The following COPG2 variants were observed in gnomAD, a reference collection of about 807,000 sequenced individuals.
COPG2 encodes coat protein complex I subunit gamma 2.
COPG2 carries 37 observed loss-of-function variants against 46.3 expected under a neutral mutation model. That is an observed-to-expected ratio of 0.80 (90% CI 0.61 to 1.05). The LOEUF (loss-of-function observed/expected upper bound fraction) is 1.05, where lower values mean the gene tolerates loss of function less well. Among genes scored for constraint, COPG2 ranks in the 50% least tolerant of loss-of-function variants. The probability of loss-of-function intolerance (pLI) is 0.00; values close to 1 mark genes in which losing one functional copy is unlikely to be tolerated. For synonymous variants in COPG2, 159 were observed against 129.7 expected (o/e 1.23, Z -1.53); for missense variants, 427 against 387.8 (o/e 1.10, Z -0.85).
chr7:130,629,819 T>C (rs1795193355), intron 5 of COPG2, among the ~76,000 whole-genome samples: 1 of 152,204 alleles, frequency 6.6e-6, no homozygotes, highest in Admixed American at 6.5e-5. Context: ...CAGGTACATT[T>C]ATTCTTTCTT....
intron 9 of COPG2, among the ~76,000 whole-genome samples, chr7:130,604,101 A>G (rs782111158): frequency 6.6e-6 from 1 of 152,154 alleles, no homozygotes; most frequent in African/African-American, 2.4e-5. Flanking sequence ...CTGGGGTGGA[A>G]GAGGAGGTCT....
intron 3 of COPG2, among the ~76,000 whole-genome samples, chr7:130,665,951 A>G (rs1187657863): frequency 3.3e-5 from 5 of 152,202 alleles, no homozygotes; most frequent in Admixed American, 2.6e-4. Context: ...CCAACACCTA[A>G]AACAGTGCAC....
At chr7:130,551,371 G>A (rs1300416218) in intron 15 of COPG2, 27 bp from the exon 16 acceptor site, 1 of 398,210 alleles carries the variant, frequency 2.5e-6, no homozygotes, top group Non-Finnish European at 4.4e-6. Flanking sequence ...GAATAGTCAT[G>A]TCACAGTACC....
chr7:130,539,180 T>A (rs1799912104), intron 20 of COPG2, among the ~76,000 whole-genome samples: 1 of 152,034 alleles, frequency 6.6e-6, no homozygotes, highest in South Asian at 2.1e-4. Flanking sequence ...CCAGATAGCT[T>A]CAATGGGTAC....
intron 20 of COPG2, among the ~76,000 whole-genome samples, chr7:130,512,319 A>C (rs1440126633): frequency 2.0e-5 from 3 of 152,002 alleles, no homozygotes; most frequent in Non-Finnish European, 2.9e-5. Flanking sequence ...TCTAAAAAAA[A>C]AAAACAAAAA....
At chr7:130,613,220 C>T (rs888296729) in intron 7 of COPG2, among the ~76,000 whole-genome samples, 1 of 152,102 alleles carries the variant, frequency 6.6e-6, no homozygotes, top group Non-Finnish European at 1.5e-5. Context: ...TCCCTGCATG[C>T]GCAGCTCACA....
intron 20 of COPG2, among the ~76,000 whole-genome samples, chr7:130,532,102 G>C (rs1453690326): frequency 6.6e-6 from 1 of 152,142 alleles, no homozygotes; most frequent in Non-Finnish European, 1.5e-5. Flanking sequence ...AGAGTGAGAG[G>C]GGAAGACGCA....
intron 9 of COPG2, among the ~76,000 whole-genome samples, chr7:130,606,193 T>G (rs1794724559): frequency 1.4e-5 from 2 of 146,076 alleles, no homozygotes; most frequent in Non-Finnish European, 1.5e-5. Flanking sequence ...GCCACTGTAC[T>G]CCAGCCTGGG....
intron 20 of COPG2, among the ~76,000 whole-genome samples, chr7:130,533,403 T>C (rs1363821077): frequency 8.6e-5 from 13 of 151,722 alleles, no homozygotes; most frequent in African/African-American, 2.7e-4. Flanking sequence ...AAGAAGCCCA[T>C]GGAGGAGAAA....
intron 5 of COPG2, among the ~76,000 whole-genome samples, chr7:130,650,205 AG>A (rs1488974425): frequency 6.6e-6 from 1 of 152,128 alleles, no homozygotes; most frequent in Non-Finnish European, 1.5e-5. Flanking sequence ...TAGTCCTTAA[AG>A]GGCCCACCTG....
At chr7:130,590,853 C>A (rs2116459983) in intron 9 of COPG2, among the ~76,000 whole-genome samples, 1 of 152,010 alleles carries the variant, frequency 6.6e-6, no homozygotes, top group East Asian at 2.0e-4. Flanking sequence ...TGAGGAGCGT[C>A]TCTGCCCAGC....
At chr7:130,640,198 C>T (rs1554457003) in intron 5 of COPG2, among the ~76,000 whole-genome samples, 1 of 121,292 alleles carries the variant, frequency 8.2e-6, no homozygotes. Flanking sequence ...TGTGCTCAGG[C>T]CAGAGAGATG....
rs1442457196 is a variant in COPG2, at chr7:130,565,246, G to A, written c.738-853C>T. ...TGAACTCCCGGGGCATGGAAAGCAC[G>A]CCCCAACATACACAGCACCCGTTGG... On this transcript the variant is annotated intron_variant, in intron 9 of 23. Transcript: ENST00000425248. Among the ~76,000 whole-genome samples the A allele has an allele frequency of 3.9e-5, 6 of 152,148 alleles. No individual in the cohort carries two copies. The East Asian group carries it at 7.7e-4, about 19-fold the overall frequency.
At chr7:130,577,530 G>C (rs1403739196) in intron 9 of COPG2, among the ~76,000 whole-genome samples, 2 of 152,200 alleles carry the variant, frequency 1.3e-5, no homozygotes, top group South Asian at 4.1e-4. Context: ...GGGAGGCCGA[G>C]GCGGGTGGAT....
chr7:130,629,530 G>A (rs1045030924), intron 5 of COPG2, among the ~76,000 whole-genome samples: 1 of 151,500 alleles, frequency 6.6e-6, no homozygotes, highest in African/African-American at 2.4e-5. Context: ...GAGTAGCTGG[G>A]ACTACAGGCA....
At position 130,631,089 on chromosome 7, in the gene COPG2, A is replaced by G. The variant is rs77501197; in HGVS notation, c.324-14024T>C. Reference sequence around the variant, plus strand: ...ATAGGTGCCTTTAATGTAATTATTGATATGGTTGGGTTGGAGTCTGTCATC... The same window carrying G: ...ATAGGTGCCTTTAATGTAATTATTGGTATGGTTGGGTTGGAGTCTGTCATC... On this transcript the variant is annotated intron_variant, in intron 5 of 23. Transcript: ENST00000425248. Among the ~76,000 whole-genome samples the G allele has an allele frequency of 8.5e-3, 1,293 of 151,530 alleles. 13 individuals carry two copies. Among genetic ancestry groups the G allele is most frequent in the African/African-American group, 0.03 (1,229 of 41,282 alleles).
At chr7:130,658,284 T>G (rs1554460159) in intron 4 of COPG2, among the ~76,000 whole-genome samples, 1 of 151,944 alleles carries the variant, frequency 6.6e-6, no homozygotes, top group African/African-American at 2.4e-5. Context: ...GAAAAGAAAC[T>G]CAAAAAAGGC....
chr7:130,526,158 A>C (rs1398172595), intron 20 of COPG2, among the ~76,000 whole-genome samples: 5 of 152,010 alleles, frequency 3.3e-5, no homozygotes, highest in African/African-American at 1.2e-4. Context: ...AAAAGGCTGG[A>C]GTGTAAGAGG....
chr7:130,566,175 T>C (rs1386516848), intron 9 of COPG2, among the ~76,000 whole-genome samples: 2 of 152,322 alleles, frequency 1.3e-5, no homozygotes, highest in East Asian at 1.9e-4. Context: ...AGCATAAAAA[T>C]AGTCATTCTG....
Sources: allele counts gnomAD v4.1 joint callset (sites outside exome capture counted in the v4.1 genomes callset), GRCh38; gene constraint gnomAD v4.1.1; transcripts MANE v1.5; gene names NCBI Gene and HGNC (gene_info 2026-07-23, HGNC 2026-07-21).